COL23A1: variants seen among roughly 807,000 people sequenced by gnomAD.
The protein encoded by COL23A1 is collagen type XXIII alpha 1 chain, also known as collagen alpha-1(XXIII) chain.
COL23A1 carries 97 observed loss-of-function variants against 99.3 expected under a neutral mutation model. That is an observed-to-expected ratio of 0.98 (90% CI 0.83 to 1.16). COL23A1 has a LOEUF of 1.16. Ranked by LOEUF, COL23A1 falls within the 50% of genes most tolerant of loss-of-function variation. The probability of loss-of-function intolerance (pLI) is 0.00; values close to 1 mark genes in which losing one functional copy is unlikely to be tolerated. For synonymous variants in COL23A1, 320 were observed against 308.2 expected (o/e 1.04, Z -0.40); for missense variants, 762 against 757.4 (o/e 1.01, Z -0.07).
chr5:178,330,182 CAGA>C (rs901306042), intron 2 of COL23A1, among the ~76,000 whole-genome samples: 4 of 152,214 alleles, frequency 2.6e-5, no homozygotes, highest in African/African-American at 9.6e-5. Context: ...GCCCTCCCTG[CAGA>C]AGAAGGGCCT....
chr5:178,304,075 T>A (rs529071672), intron 3 of COL23A1, among the ~76,000 whole-genome samples: 1 of 152,084 alleles, frequency 6.6e-6, no homozygotes, highest in South Asian at 2.1e-4. Flanking sequence ...GATAGAGACA[T>A]AGAAACACTG....
At chr5:178,321,720 A>G (rs950093256) in intron 2 of COL23A1, among the ~76,000 whole-genome samples, 27 of 151,426 alleles carry the variant, frequency 1.8e-4, no homozygotes, top group Non-Finnish European at 3.2e-4. Context: ...CTATCTCCCG[A>G]CCTTGTGATC....
At chr5:178,454,625 G>T (rs567267189) in intron 2 of COL23A1, among the ~76,000 whole-genome samples, 1 of 152,266 alleles carries the variant, frequency 6.6e-6, no homozygotes, top group South Asian at 2.1e-4. Flanking sequence ...AGAAGAGCAG[G>T]CTCCCAGCAG....
chr5:178,263,072 G>A (rs1043272004), intron 9 of COL23A1, 136 bp downstream of exon 9: 75 of 767,506 alleles, frequency 9.8e-5, no homozygotes, highest in Non-Finnish European at 1.5e-4. Flanking sequence ...TTGGGCCCAG[G>A]TTCAGTGTCT....
In COL23A1 at chr5:178,589,761, C is replaced by T; in HGVS notation, c.294+143G>A. ...GCCTCCGCCTTGGCGCAGACGTGCCCATCTCTGGGACGGCCCCGAGCGCAC... is the reference window on the plus strand; with the variant it reads ...GCCTCCGCCTTGGCGCAGACGTGCCTATCTCTGGGACGGCCCCGAGCGCAC... On this transcript the variant is annotated intron_variant, in intron 1 of 28. Coordinates refer to ENST00000390654, the MANE Select transcript of COL23A1 (RefSeq NM_173465.4). The surrounding 1 kb of genome is among the most constrained non-coding windows in gnomAD (Gnocchi z 5.4). 3.6e-6 allele frequency: 3 copies of T among 825,232 alleles called. No homozygotes were observed. The highest frequency in any genetic ancestry group is 4.8e-6 in the Non-Finnish European group (3 of 620,890). 51.1% of individuals were successfully genotyped at this position (825,232 alleles called of 1,614,324 possible).
intron 2 of COL23A1, among the ~76,000 whole-genome samples, chr5:178,531,947 A>G (rs1398874445): frequency 6.6e-6 from 1 of 152,210 alleles, no homozygotes; most frequent in Non-Finnish European, 1.5e-5. Flanking sequence ...GGGCTGCCTG[A>G]GTCCTCAGAA....
At position 178,242,033 on chromosome 5, in the gene COL23A1, G is replaced by T; in HGVS notation, c.1581+9C>A. 1 of 1,551,662 alleles carries T rather than the reference G, an allele frequency of 6.4e-7. No homozygotes were observed. On this transcript the variant is annotated intron_variant, in intron 27 of 28. Coordinates refer to ENST00000390654, the MANE Select transcript of COL23A1 (RefSeq NM_173465.4). ...AAGACCTGGGGCAGGGCCCTCCTCC[G>T]ACACCTACCACGGGACACGGCTGGT...
At chr5:178,522,473 A>G (rs1474070375) in intron 2 of COL23A1, among the ~76,000 whole-genome samples, 1 of 152,110 alleles carries the variant, frequency 6.6e-6, no homozygotes, top group Non-Finnish European at 1.5e-5. Flanking sequence ...CAGCCAAGAG[A>G]TTGTTCAAAA....
At chr5:178,279,512 G>A (rs541339903) in intron 5 of COL23A1, among the ~76,000 whole-genome samples, 9 of 152,312 alleles carry the variant, frequency 5.9e-5, no homozygotes, top group South Asian at 2.1e-4. Context: ...ACCTTGCAGC[G>A]CCTGGTTCAA....
intron 2 of COL23A1, among the ~76,000 whole-genome samples, chr5:178,539,871 A>G (rs1288604991): frequency 6.6e-6 from 1 of 152,224 alleles, no homozygotes; most frequent in Non-Finnish European, 1.5e-5. Flanking sequence ...TAAACAAAAG[A>G]TTAGCAAATT....
At chr5:178,264,638 G>A (rs533959588) in intron 8 of COL23A1, among the ~76,000 whole-genome samples, 95 of 152,264 alleles carry the variant, frequency 6.2e-4, no homozygotes, top group African/African-American at 2.2e-3. Context: ...GAGCTAGCAA[G>A]GATATCCTGA....
At chr5:178,501,784 C>A (rs1156991995) in intron 2 of COL23A1, among the ~76,000 whole-genome samples, 1 of 152,174 alleles carries the variant, frequency 6.6e-6, no homozygotes, top group Non-Finnish European at 1.5e-5. Flanking sequence ...AGTGACAAGG[C>A]CCCACCTGGG....
At chr5:178,568,160 T>G (rs6888155) in intron 1 of COL23A1, among the ~76,000 whole-genome samples, 1 of 152,214 alleles carries the variant, frequency 6.6e-6, no homozygotes, top group Admixed American at 6.5e-5. Flanking sequence ...TGAGACATTC[T>G]ATAAAATACC....
chr5:178,389,176 G>A (rs975887798), intron 2 of COL23A1, among the ~76,000 whole-genome samples: 7 of 151,812 alleles, frequency 4.6e-5, no homozygotes, highest in African/African-American at 7.3e-5. Flanking sequence ...TGGCTGTCAC[G>A]CTCCCGTTGC....
intron 3 of COL23A1, among the ~76,000 whole-genome samples, chr5:178,297,027 C>A (rs1289744541): frequency 1.3e-5 from 2 of 152,282 alleles, no homozygotes; most frequent in Non-Finnish European, 2.9e-5. Flanking sequence ...CCTGGCCCAG[C>A]CTTCCTGCAT....
At chr5:178,479,367 C>T (rs978779182) in intron 2 of COL23A1, among the ~76,000 whole-genome samples, 13 of 152,194 alleles carry the variant, frequency 8.5e-5, no homozygotes, top group Non-Finnish European at 1.3e-4. Flanking sequence ...AAAAAAACCC[C>T]GAGCTGCTGC....
At chr5:178,246,203 C>A (rs1209200034) in intron 24 of COL23A1, 51 bp downstream of exon 24, 1 of 1,546,084 alleles carries the variant, frequency 6.5e-7, no homozygotes, top group South Asian at 1.2e-5. Flanking sequence ...CTGAGCGCCA[C>A]CATGACCAGG....
chr5:178,358,238 GTA>G (rs997016759), intron 2 of COL23A1, among the ~76,000 whole-genome samples: 5 of 79,500 alleles, frequency 6.3e-5, no homozygotes, highest in East Asian at 1.1e-3. Flanking sequence ...GTGTATGTGT[GTA>G]TGTGTATGTG....
chr5:178,399,423 T>C (rs1764318742), intron 2 of COL23A1, among the ~76,000 whole-genome samples: 1 of 152,230 alleles, frequency 6.6e-6, no homozygotes, highest in African/African-American at 2.4e-5. Flanking sequence ...TCCAACACTT[T>C]TACATTTTGG....
Sources: gnomAD v4.1 joint callset for allele counts (sites outside exome capture counted in the v4.1 genomes callset) on GRCh38, gnomAD v4.1.1 for gene constraint, Gnocchi (gnomAD v3.1) non-coding constraint, MANE v1.5 for transcripts, NCBI Gene and HGNC (gene_info 2026-07-23, HGNC 2026-07-21) for gene names.